KIAA1328: variants seen among roughly 807,000 people sequenced by gnomAD.
The protein encoded by KIAA1328 is protein hinderin.
Under a neutral mutation model 68.1 loss-of-function variants are expected in KIAA1328, and 52 were observed. The ratio of observed to expected loss-of-function variants is 0.76; its 90% CI spans 0.61 to 0.96. The LOEUF is 0.96. Ranked by LOEUF, KIAA1328 falls within the 40% of genes least tolerant of loss-of-function variation. The pLI is 0.00. For missense variants in KIAA1328, 641 were observed against 677.6 expected (o/e 0.95, Z 0.60); for synonymous variants, 232 against 239.4 (o/e 0.97, Z 0.28).
intron 3 of KIAA1328, among the ~76,000 whole-genome samples, chr18:36,838,960 C>T (rs1486205487): frequency 7.2e-5 from 11 of 152,170 alleles, no homozygotes. Context: ...GTCTCGAACT[C>T]CTGACCTCAT....
intron 5 of KIAA1328, among the ~76,000 whole-genome samples, chr18:36,942,753 A>C (rs2050761084): frequency 6.6e-6 from 1 of 152,190 alleles, no homozygotes; most frequent in Non-Finnish European, 1.5e-5. Flanking sequence ...TGTATGGTAG[A>C]AATTAGCCAT....
chr18:37,181,373 G>GT (rs1440339467), intron 9 of KIAA1328, among the ~76,000 whole-genome samples: 2 of 151,994 alleles, frequency 1.3e-5, no homozygotes. Context: ...ATTTAGTTGG[G>GT]TTGATAACTT....
intron 5 of KIAA1328, among the ~76,000 whole-genome samples, chr18:36,952,086 T>A (rs531598100): frequency 3.9e-5 from 6 of 152,352 alleles, no homozygotes; most frequent in Admixed American, 1.3e-4. Context: ...TCAGGACCAG[T>A]TAACCATCCA....
At chr18:36,840,867 G>T (rs779827076) in intron 3 of KIAA1328, among the ~76,000 whole-genome samples, 1 of 152,116 alleles carries the variant, frequency 6.6e-6, no homozygotes, top group Non-Finnish European at 1.5e-5. Flanking sequence ...GAAGCAGACC[G>T]CGAGATGGAA....
At chr18:36,944,570 C>G (rs9955131) in intron 5 of KIAA1328, among the ~76,000 whole-genome samples, 86,274 of 147,990 alleles carry the variant, frequency 0.58, 26,153 homozygotes, top group East Asian at 0.87. Context: ...CAGAGTGAGA[C>G]TCTGTCTCAA....
chr18:36,894,059 A>G (rs931764358), intron 5 of KIAA1328, among the ~76,000 whole-genome samples: 2 of 152,296 alleles, frequency 1.3e-5, no homozygotes, highest in East Asian at 3.9e-4. Context: ...ATACTCTTCT[A>G]TCATTTTACA....
chr18:36,940,464 T>C (rs999830419), intron 5 of KIAA1328, among the ~76,000 whole-genome samples: 2 of 152,184 alleles, frequency 1.3e-5, no homozygotes, highest in Admixed American at 6.5e-5. Context: ...ATTCATGAAG[T>C]GTACTTTGAT....
intron 6 of KIAA1328, among the ~76,000 whole-genome samples, chr18:37,004,908 C>T (rs1284816192): frequency 6.6e-6 from 1 of 152,070 alleles, no homozygotes; most frequent in Non-Finnish European, 1.5e-5. Context: ...TGATGGATTA[C>T]TACTCAGCCA....
At chr18:36,837,262 C>T (rs1382956813) in intron 3 of KIAA1328, among the ~76,000 whole-genome samples, 1 of 152,092 alleles carries the variant, frequency 6.6e-6, no homozygotes, top group Non-Finnish European at 1.5e-5. Context: ...ACATTTATGT[C>T]CATCTTTTTT....
At chr18:36,964,543 C>CTT (rs2051834491) in intron 6 of KIAA1328, among the ~76,000 whole-genome samples, 1 of 152,146 alleles carries the variant, frequency 6.6e-6, no homozygotes, top group African/African-American at 2.4e-5. Flanking sequence ...TTTTTGACAT[C>CTT]TGTCATTTCC....
chr18:36,964,681 T>A (rs899169881), intron 6 of KIAA1328, among the ~76,000 whole-genome samples: 2 of 152,166 alleles, frequency 1.3e-5, no homozygotes, highest in Admixed American at 1.3e-4. Context: ...CATTATAGGT[T>A]CTTCATAGTG....
At chr18:37,111,199 C>A (rs2151902748) in intron 7 of KIAA1328, among the ~76,000 whole-genome samples, 2 of 152,300 alleles carry the variant, frequency 1.3e-5, no homozygotes, top group Admixed American at 1.3e-4. Context: ...ATGTCTGAAT[C>A]CATAGGCAGG....
At chr18:36,911,298 A>G (rs972130092) in intron 5 of KIAA1328, among the ~76,000 whole-genome samples, 7 of 152,096 alleles carry the variant, frequency 4.6e-5, no homozygotes, top group African/African-American at 1.7e-4. Flanking sequence ...CTGTTATTCT[A>G]CCTCTTCTAT....
intron 5 of KIAA1328, among the ~76,000 whole-genome samples, chr18:36,925,629 C>G (rs181777625): frequency 5.5e-4 from 84 of 151,930 alleles, no homozygotes; most frequent in Non-Finnish European, 1.1e-3. Context: ...CCTCAACCTC[C>G]TGGGCTCAAG....
At chr18:37,160,515 C>A in intron 8 of KIAA1328, 134 bp downstream of exon 8, 2 of 677,156 alleles carry the variant, frequency 3.0e-6, no homozygotes, top group East Asian at 2.8e-5. Context: ...GCCTGCAAGG[C>A]CACAGGTAAC....
At chr18:37,023,709 G>T (rs752900686) in intron 6 of KIAA1328, among the ~76,000 whole-genome samples, 6 of 152,208 alleles carry the variant, frequency 3.9e-5, no homozygotes, top group Non-Finnish European at 5.9e-5. Context: ...CACTTTGGCA[G>T]CAGAGTGGCA....
intron 6 of KIAA1328, among the ~76,000 whole-genome samples, chr18:37,050,460 T>G (rs2055649337): frequency 6.6e-6 from 1 of 152,194 alleles, no homozygotes; most frequent in Admixed American, 6.5e-5. Context: ...CATTAAATAA[T>G]TCAAACTAGC....
chr18:37,160,668 T>C (rs765427093), intron 8 of KIAA1328, among the ~76,000 whole-genome samples: 1 of 152,154 alleles, frequency 6.6e-6, no homozygotes, highest in South Asian at 2.1e-4. Flanking sequence ...TAAAATAATG[T>C]TCCAAGTGAG....
At chr18:37,002,097 A>G (rs929304789) in intron 6 of KIAA1328, among the ~76,000 whole-genome samples, 4 of 152,118 alleles carry the variant, frequency 2.6e-5, no homozygotes, top group African/African-American at 7.2e-5. Flanking sequence ...ATTATCTTAT[A>G]TCTGGAACAA....
Sources: gnomAD v4.1 joint callset for allele counts (sites outside exome capture counted in the v4.1 genomes callset) on GRCh38, gnomAD v4.1.1 for gene constraint, MANE v1.5 for transcripts, NCBI Gene and HGNC (gene_info 2026-07-23, HGNC 2026-07-21) for gene names.